The following LITAF variants were observed in gnomAD, a reference collection of about 807,000 sequenced individuals.
The protein encoded by LITAF is lipopolysaccharide-induced tumor necrosis factor-alpha factor.
Under a neutral mutation model 14.5 loss-of-function variants are expected in LITAF, and 9 were observed. That is an observed-to-expected ratio of 0.62 (90% confidence interval 0.37 to 1.08). The LOEUF is 1.08. LITAF is among the 50% of genes least tolerant of loss of function. The probability of loss-of-function intolerance (pLI) is 0.01; values close to 1 mark genes in which losing one functional copy is unlikely to be tolerated. For synonymous variants in LITAF, 98 were observed against 88.2 expected (o/e 1.11, Z -0.62); for missense variants, 206 against 213.4 (o/e 0.97, Z 0.22).
intron 3 of LITAF, among the ~76,000 whole-genome samples, chr16:11,624,981 G>A (rs777914156): frequency 1.5e-4 from 23 of 152,132 alleles, no homozygotes; most frequent in Admixed American, 1.1e-3. Flanking sequence ...AGGGTGAGAG[G>A]TCACGTGAAG....
At chr16:11,633,475 A>G (rs2065126749) in intron 3 of LITAF, 1 of 152,210 alleles carries the variant, frequency 6.6e-6, no homozygotes, top group Admixed American at 6.6e-5. Context: ...CACAAGATAC[A>G]GATCTAAATA....
intron 1 of LITAF, among the ~76,000 whole-genome samples, chr16:11,570,062 T>G (rs2064518649): frequency 6.6e-6 from 1 of 150,980 alleles, no homozygotes; most frequent in Admixed American, 6.6e-5. Context: ...TGGCAGAATT[T>G]TAAGGCAGGT....
At position 11,634,666 on chromosome 16, in the gene LITAF, C is replaced by T. The variant is rs768352137; in HGVS notation, c.-20-1029G>A. On this transcript the variant is annotated intron_variant, in intron 2 of 3. Coordinates refer to the LITAF transcript ENST00000574848. This position sits in a 1 kb window ranked among gnomAD's most constrained non-coding sequence, Gnocchi z 4.1. ...GCATCCCCAACCAGTCAGCAGCACCCATTCCCTGGCCAGACGAACTATCCT... is the reference window on the plus strand; with the variant it reads ...GCATCCCCAACCAGTCAGCAGCACCTATTCCCTGGCCAGACGAACTATCCT... Among the ~76,000 whole-genome samples the T allele has an allele frequency of 2.0e-5, 3 of 152,308 alleles. No individual in the cohort carries two copies. Among genetic ancestry groups the T allele is most frequent in the Middle Eastern group, 3.4e-3 (1 of 294 alleles).
chr16:11,603,762 A>T (rs776836497), intron 3 of LITAF, among the ~76,000 whole-genome samples: 1 of 152,176 alleles, frequency 6.6e-6, no homozygotes, highest in African/African-American at 2.4e-5. Flanking sequence ...AATCCACTAG[A>T]GGCCGGGCGC....
rs1028557670 is a variant in LITAF, at chr16:11,547,899, G to A, written c.*1738C>T. 2.2e-6 allele frequency: 1 copy of A among 453,972 alleles called. No homozygotes were observed. Among genetic ancestry groups the A allele is most frequent in the African/African-American group, 2.0e-5 (1 of 49,988 alleles). The allele number at this position is 453,972 out of a possible 1,614,324, so 28.1% of individuals were successfully genotyped here. On this transcript the variant is annotated 3_prime_UTR_variant, in exon 4 of 4. Transcript: ENST00000622633. ...CAAGTCTGAAGTTTTTAATCGGGAA[G>A]GATTTTCTACCGTTACTGAACAAAT...
chr16:11,554,110 T>C lies in LITAF; in HGVS notation c.221-421A>G, dbSNP rs56804089. On this transcript the variant is annotated intron_variant, in intron 2 of 3. Transcript: ENST00000622633. The stretch of plus-strand genomic sequence containing the variant: ...AGCCCAGCGTGGGAGTACACGCCTG[T>C]AGTCCCAGCTACTCAGGAGGCTGAG... Among the ~76,000 whole-genome samples, 991 of 152,262 alleles carry C rather than the reference T, an allele frequency of 6.5e-3. 8 individuals carry two copies. Among genetic ancestry groups the C allele is most frequent in the African/African-American group, 0.023 (946 of 41,560 alleles).
At chr16:11,583,655 T>C (rs2064770754) in intron 1 of LITAF, among the ~76,000 whole-genome samples, 1 of 152,192 alleles carries the variant, frequency 6.6e-6, no homozygotes, top group African/African-American at 2.4e-5. Context: ...GTGCATCATC[T>C]AGGAATAACC....
upstream of LITAF, among the ~76,000 whole-genome samples, chr16:11,588,778 C>G (rs143476947): frequency 6.6e-6 from 1 of 152,038 alleles, no homozygotes; most frequent in Non-Finnish European, 1.5e-5. Flanking sequence ...TCAGAGATAA[C>G]GTTCAAGAAA....
At chr16:11,604,834 T>C (rs373621475) in intron 3 of LITAF, among the ~76,000 whole-genome samples, 32 of 151,740 alleles carry the variant, frequency 2.1e-4, no homozygotes, top group African/African-American at 7.2e-4. Context: ...GAGAAAAGTA[T>C]AGACATTTCC....
intron 1 of LITAF, among the ~76,000 whole-genome samples, chr16:11,559,779 G>A (rs2064330449): frequency 6.7e-6 from 1 of 149,206 alleles, no homozygotes; most frequent in South Asian, 2.1e-4. Flanking sequence ...AGGATGGCTT[G>A]AGCCCAGGCA....
rs555677508 is a variant in LITAF, at chr16:11,617,356, C to T, written c.85+16177G>A. On this transcript the variant is annotated intron_variant, in intron 3 of 3. Coordinates refer to the LITAF transcript ENST00000574848. Reference sequence around the variant, plus strand: ...GGGTAAGGCTGCCCAGGCTTGCAGGCTTCCATTCTGTCTTATCAAGTTCTG... The same window carrying T: ...GGGTAAGGCTGCCCAGGCTTGCAGGTTTCCATTCTGTCTTATCAAGTTCTG... Among the ~76,000 whole-genome samples, 32 of 151,372 alleles carry T rather than the reference C, an allele frequency of 2.1e-4. No homozygotes were observed. The South Asian group carries it at 2.9e-3, about 14-fold the overall frequency.
upstream of LITAF, among the ~76,000 whole-genome samples, chr16:11,639,618 T>A (rs1003132743): frequency 6.0e-5 from 5 of 84,028 alleles, no homozygotes; most frequent in African/African-American, 1.5e-4. Flanking sequence ...AGAAAGATTT[T>A]TAAAAAAAAA....
At chr16:11,587,980 G>A (rs561263536), upstream of LITAF, among the ~76,000 whole-genome samples, 104 of 152,182 alleles carry the variant, frequency 6.8e-4, 1 homozygote, top group African/African-American at 2.4e-3. Context: ...CTTTACCCGA[G>A]GTCCTAAAGA....
rs568051363 is a variant in LITAF at position 11,558,419 on chromosome 16, AC to A, written c.-5-1685del. ...ACCCCCATCTCTAAAACAAAACAAA[AC>A]AAAAGGGCTGGGTGCAGTGGCTCAT... On this transcript the variant is annotated intron_variant, in intron 1 of 3. Coordinates refer to ENST00000622633, the MANE Select transcript of LITAF (RefSeq NM_001136472.2). The surrounding 1 kb of genome is among the most constrained non-coding windows in gnomAD (Gnocchi z 4.1). 7.9e-3 allele frequency among the ~76,000 whole-genome samples: 1,207 copies of A among 152,104 alleles called. 18 individuals are homozygous for A. Among genetic ancestry groups the A allele is most frequent in the African/African-American group, 0.028 (1,147 of 41,460 alleles).
intron 3 of LITAF, among the ~76,000 whole-genome samples, chr16:11,631,888 T>C (rs988455564): frequency 6.6e-6 from 1 of 150,976 alleles, no homozygotes; most frequent in African/African-American, 2.4e-5. Flanking sequence ...TCTTGCTCTG[T>C]CTACAGGCTG....
intron 3 of LITAF, among the ~76,000 whole-genome samples, chr16:11,604,377 G>A (rs1002605302): frequency 1.3e-5 from 2 of 152,036 alleles, no homozygotes; most frequent in African/African-American, 4.8e-5. Context: ...TCCTCATTAC[G>A]ACCCAACTAA....
chr16:11,600,091 A>G (rs1042640789), upstream of LITAF, among the ~76,000 whole-genome samples: 4 of 152,180 alleles, frequency 2.6e-5, no homozygotes, highest in Admixed American at 1.3e-4. This position sits in a 1 kb window ranked among gnomAD's most constrained non-coding sequence, Gnocchi z 4.1. Flanking sequence ...TCAAACTCCT[A>G]GGCTCAAGCA....
intron 3 of LITAF, among the ~76,000 whole-genome samples, chr16:11,616,191 G>A (rs927530012): frequency 6.6e-6 from 1 of 152,114 alleles, no homozygotes; most frequent in East Asian, 1.9e-4. Context: ...AACTGGAATA[G>A]TGCTGGACAC....
intron 3 of LITAF, among the ~76,000 whole-genome samples, chr16:11,621,385 T>C (rs564771334): frequency 1.3e-5 from 2 of 152,164 alleles, no homozygotes; most frequent in South Asian, 4.1e-4. Flanking sequence ...TTATATGTTT[T>C]GCAGAGATGG....
Sources: gnomAD v4.1 joint callset for allele counts (sites outside exome capture counted in the v4.1 genomes callset) on GRCh38, gnomAD v4.1.1 for gene constraint, Gnocchi (gnomAD v3.1) non-coding constraint, MANE v1.5 for transcripts, NCBI Gene and HGNC (gene_info 2026-07-23, HGNC 2026-07-21) for gene names.